The following MAST4 variants were observed in gnomAD, a reference collection of about 807,000 sequenced individuals.
MAST4 encodes the protein microtubule-associated serine/threonine-protein kinase 4.
In MAST4, 89 loss-of-function variants were observed where a neutral mutation model predicts 162.7. That is an observed-to-expected ratio of 0.55 (90% confidence interval 0.46 to 0.65). The LOEUF is 0.65. MAST4 is among the 30% of genes least tolerant of loss of function. MAST4 has a pLI of 0.00. For synonymous variants in MAST4, 1,479 were observed against 1,361.1 expected, an observed-to-expected ratio of 1.09 and a Z score of -1.91; for missense variants, 3,153 against 3,374.0, an observed-to-expected ratio of 0.93 and a Z score of 1.62.
chr5:67,107,009 A>G (rs1197131343), intron 10 of MAST4, among the ~76,000 whole-genome samples: 1 of 152,242 alleles, frequency 6.6e-6, no homozygotes, highest in Non-Finnish European at 1.5e-5. Context: ...TGGAAACACT[A>G]TGCATATTAC....
At chr5:66,786,070 T>A (rs1230622467) in intron 2 of MAST4, among the ~76,000 whole-genome samples, 1 of 152,130 alleles carries the variant, frequency 6.6e-6, no homozygotes, top group Non-Finnish European at 1.5e-5. Flanking sequence ...GACCTCACTA[T>A]GTTGCCCAGG....
chr5:66,751,486 A>G (rs1485547152), intron 1 of MAST4, among the ~76,000 whole-genome samples: 1 of 152,238 alleles, frequency 6.6e-6, no homozygotes, highest in Admixed American at 6.5e-5. Context: ...CTCGAGAACT[A>G]TGTGAAGAAT....
chr5:66,919,666 A>G (rs1229301759), intron 4 of MAST4, among the ~76,000 whole-genome samples: 1 of 151,490 alleles, frequency 6.6e-6, no homozygotes, highest in Non-Finnish European at 1.5e-5. Flanking sequence ...CACAGAAAAA[A>G]AAAAAAAAAA....
chr5:67,046,911 C>T (rs1757437804), intron 4 of MAST4, among the ~76,000 whole-genome samples: 1 of 152,050 alleles, frequency 6.6e-6, no homozygotes, highest in Non-Finnish European at 1.5e-5. Context: ...AAGTATCAAG[C>T]CAATAAGGTC....
At chr5:67,136,330 T>G (rs566292754) in intron 18 of MAST4, among the ~76,000 whole-genome samples, 1 of 152,362 alleles carries the variant, frequency 6.6e-6, no homozygotes, top group African/African-American at 2.4e-5. Flanking sequence ...AATATTCTCT[T>G]CCTACCTTGT....
At chr5:66,642,053 G>A (rs1229220372) in intron 1 of MAST4, among the ~76,000 whole-genome samples, 1 of 152,066 alleles carries the variant, frequency 6.6e-6, no homozygotes, top group African/African-American at 2.4e-5. Context: ...ATGGATTCAG[G>A]CAATGATCAT....
intron 16 of MAST4, among the ~76,000 whole-genome samples, chr5:67,132,744 C>T (rs539473871): frequency 6.6e-6 from 1 of 152,032 alleles, no homozygotes; most frequent in Admixed American, 6.6e-5. Flanking sequence ...TATATAAAGA[C>T]TTTAAGTATG....
intron 2 of MAST4, among the ~76,000 whole-genome samples, chr5:66,771,972 G>A (rs1425720216): frequency 6.6e-6 from 1 of 152,158 alleles, no homozygotes; most frequent in East Asian, 1.9e-4. Context: ...AAAGCACACT[G>A]ATCCATGCTC....
At chr5:66,886,767 C>T (rs1402743956) in intron 3 of MAST4, among the ~76,000 whole-genome samples, 1 of 151,078 alleles carries the variant, frequency 6.6e-6, no homozygotes, top group Admixed American at 6.6e-5. Context: ...TTCATCCATA[C>T]GTTGCAGATG....
chr5:66,620,047 CTTTTTT>C (rs200969306), intron 1 of MAST4, among the ~76,000 whole-genome samples: 15 of 133,840 alleles, frequency 1.1e-4, no homozygotes, highest in Non-Finnish European at 1.4e-4. Context: ...ACTTAGGTTG[CTTTTTT>C]TTTTTTTTTT....
intron 4 of MAST4, among the ~76,000 whole-genome samples, chr5:67,052,524 T>C (rs1372330601): frequency 6.6e-6 from 1 of 152,136 alleles, no homozygotes; most frequent in African/African-American, 2.4e-5. Context: ...TTAGTATGTA[T>C]GGTAGTGTAC....
rs1770546555 is a variant in MAST4 at position 67,142,701 on chromosome 5, C to A, written c.2730+168C>A. ...GTGACCTCCTCAACTTATAGTCTGT[C>A]CCTATCCCCTAGGCCTTTAGACTGC... is the stretch of plus-strand genomic sequence containing the variant. On this transcript the variant is annotated intron_variant, in intron 21 of 28. Coordinates refer to ENST00000403625, the MANE Select transcript of MAST4 (RefSeq NM_001164664.2). 3.5e-5 allele frequency: 20 copies of A among 579,414 alleles called. No homozygotes were observed. The South Asian group carries it at 4.2e-4, about 12-fold the overall frequency. 35.9% of individuals were successfully genotyped at this position (579,414 alleles called of 1,614,324 possible).
intron 1 of MAST4, among the ~76,000 whole-genome samples, chr5:66,642,722 T>A (rs367911702): frequency 6.6e-4 from 100 of 152,304 alleles, no homozygotes; most frequent in African/African-American, 2.4e-3. Context: ...TACTCATGAT[T>A]ATACACACTG....
chr5:66,774,892 G>A (rs1754513541), intron 2 of MAST4, among the ~76,000 whole-genome samples: 2 of 152,104 alleles, frequency 1.3e-5, no homozygotes, highest in South Asian at 4.2e-4. Context: ...GAATGGTTAT[G>A]TGCCTAGGCG....
intron 1 of MAST4, among the ~76,000 whole-genome samples, chr5:66,727,284 A>T (rs1463307421): frequency 6.6e-6 from 1 of 152,180 alleles, no homozygotes; most frequent in African/African-American, 2.4e-5. Context: ...ATGGTAGCAT[A>T]CTCTGATATT....
At position 67,049,008 on chromosome 5, in the gene MAST4, C is replaced by CACACACAT. The variant is rs1362965159; in HGVS notation, c.675-5395_675-5394insCACACATA. 1.4e-3 allele frequency among the ~76,000 whole-genome samples: 145 copies of CACACACAT among 104,514 alleles called. 2 individuals carry two copies. The highest frequency in any genetic ancestry group is 5.7e-3 in the African/African-American group (140 of 24,458). 68.6% of individuals were successfully genotyped at this position (104,514 alleles called of 152,430 possible). ...ATATGTATATATATATATACACACA[C>CACACACAT]ATATATATATATACGTATATATATA... On this transcript the variant is annotated intron_variant, in intron 4 of 28. Transcript: ENST00000403625.
intron 4 of MAST4, among the ~76,000 whole-genome samples, chr5:66,908,240 T>C (rs1763515849): frequency 6.6e-6 from 1 of 152,252 alleles, no homozygotes; most frequent in Non-Finnish European, 1.5e-5. Context: ...ATTTGTCTTC[T>C]GTGAAGTGGG....
intron 2 of MAST4, among the ~76,000 whole-genome samples, chr5:66,778,819 T>C (rs1410189734): frequency 2.0e-5 from 3 of 152,210 alleles, no homozygotes; most frequent in East Asian, 1.9e-4. Flanking sequence ...TTCTGCTCCA[T>C]AGCCTCATGG....
At chr5:66,650,067 C>T (rs377214374) in intron 1 of MAST4, among the ~76,000 whole-genome samples, 1 of 150,850 alleles carries the variant, frequency 6.6e-6, no homozygotes, top group Non-Finnish European at 1.5e-5. Context: ...TTCAGTCAAC[C>T]GTTGCCACAA....
Sources: gnomAD v4.1 joint callset for allele counts (sites outside exome capture counted in the v4.1 genomes callset) on GRCh38, gnomAD v4.1.1 for gene constraint, MANE v1.5 for transcripts, NCBI Gene and HGNC (gene_info 2026-07-23, HGNC 2026-07-21) for gene names.